The following SS18L1 variants were observed in gnomAD, a reference collection of about 807,000 sequenced individuals.
SS18L1 encodes calcium-responsive transactivator.
A neutral mutation model predicts 70.3 loss-of-function variants in SS18L1; 32 were observed. The observed-to-expected ratio is 0.46, with a 90% CI of 0.34 to 0.61. SS18L1 has a LOEUF of 0.61. SS18L1 is among the 20% of genes least tolerant of loss of function. The pLI, the probability that SS18L1 is intolerant of heterozygous loss-of-function variation, is 0.01. For missense variants in SS18L1, 430 were observed against 542.1 expected, an observed-to-expected ratio of 0.79 and a Z score of 2.05; for synonymous variants, 237 against 229.7, an observed-to-expected ratio of 1.03 and a Z score of -0.29.
Position 62,180,265 on chromosome 20 carries a change from A to C in SS18L1, c.*1057A>C, listed in dbSNP as rs1419490467. On this transcript the variant is annotated 3_prime_UTR_variant, in exon 11 of 11. Transcript: ENST00000331758. ...CATTACTGTGTTCTTTCTAATGAAAAGTAAAGGTTTTATATAGAGAAACTT... is the reference window on the plus strand; with the variant it reads ...CATTACTGTGTTCTTTCTAATGAAACGTAAAGGTTTTATATAGAGAAACTT... The C allele has an allele frequency of 5.1e-6, 1 of 195,904 alleles. No homozygotes were observed. The highest frequency in any genetic ancestry group is 8.0e-5 in the East Asian group (1 of 12,462). The allele number at this position is 195,904 out of a possible 1,614,324, so 12.1% of individuals were successfully genotyped here.
chr20:62,148,700 G>A (rs375197190), intron 1 of SS18L1, among the ~76,000 whole-genome samples: 2 of 152,264 alleles, frequency 1.3e-5, no homozygotes, highest in East Asian at 3.8e-4. Flanking sequence ...GTGGGCAGGA[G>A]AAAGGCATTG....
chr20:62,157,485 T>C (rs1351090896), intron 1 of SS18L1, among the ~76,000 whole-genome samples: 1 of 152,190 alleles, frequency 6.6e-6, no homozygotes, highest in East Asian at 1.9e-4. Flanking sequence ...AGTGCCCATC[T>C]TGAGCGCAGA....
At chr20:62,169,121 G>T (rs145609630) in intron 8 of SS18L1, among the ~76,000 whole-genome samples, 1 of 152,224 alleles carries the variant, frequency 6.6e-6, no homozygotes, top group Non-Finnish European at 1.5e-5. Flanking sequence ...GAGGTTTGCA[G>T]TGACGCATAC....
intron 8 of SS18L1, 121 bp from the exon 9 acceptor site, chr20:62,172,561 C>A: frequency 1.4e-6 from 2 of 1,431,706 alleles, no homozygotes; most frequent in South Asian, 1.2e-5. Context: ...AAAAAATAAA[C>A]ATGCCGAAGC....
At position 62,143,894 on chromosome 20, in the gene SS18L1, G is replaced by A. The variant is rs202126580; in HGVS notation, c.69+5G>A. 4.3e-6 allele frequency: 5 copies of A among 1,175,692 alleles called. No homozygotes were observed. Among genetic ancestry groups the A allele is most frequent in the Non-Finnish European group, 5.4e-6 (5 of 923,102 alleles). The allele number at this position is 1,175,692 out of a possible 1,614,324, so 72.8% of individuals were successfully genotyped here. ...ACGCAGCAAACCATCCAGAAGGTGGGCCGGGCCGGAGCGGCGGCGCTGGGC... is the reference window on the plus strand; with the variant it reads ...ACGCAGCAAACCATCCAGAAGGTGGACCGGGCCGGAGCGGCGGCGCTGGGC... On this transcript the variant is annotated splice_donor_5th_base_variant and intron_variant, in intron 1 of 10. Transcript: ENST00000331758.
intron 8 of SS18L1, among the ~76,000 whole-genome samples, chr20:62,167,979 C>CTTTTT (rs575045754): frequency 1.9e-5 from 2 of 105,006 alleles, no homozygotes; most frequent in African/African-American, 7.3e-5. Flanking sequence ...CCAGGCCTGG[C>CTTTTT]TTTTTTTTTT....
Position 62,180,671 on chromosome 20 carries a change from G to C in SS18L1, c.*1463G>C, listed in dbSNP as rs547775646. 6.2e-6 allele frequency: 1 copy of C among 162,084 alleles called. No individual in the cohort carries two copies. The highest frequency in any genetic ancestry group is 2.0e-4 in the South Asian group (1 of 4,904). The allele number at this position is 162,084 out of a possible 1,614,324, so 10.0% of individuals were successfully genotyped here. ...AGCACTTTGGGAGGCCGAAGCGGGC[G>C]GATCACCTGAGGTCGGGAGTTCGAG... On this transcript the variant is annotated 3_prime_UTR_variant, in exon 11 of 11. Transcript: ENST00000331758.
Position 62,165,654 on chromosome 20 carries a change from G to T in SS18L1, c.916+140G>T, listed in dbSNP as rs139339282. On this transcript the variant is annotated intron_variant, in intron 8 of 10. Transcript: ENST00000331758. Reference sequence around the variant, plus strand: ...AGCACAGCGCGTGGGAGGAGAGACAGTGTGTTCTGGAAGCTGGAAATTCAG... The same window carrying T: ...AGCACAGCGCGTGGGAGGAGAGACATTGTGTTCTGGAAGCTGGAAATTCAG... 6.2e-6 allele frequency: 5 copies of T among 808,338 alleles called. No homozygotes were observed. In the South Asian group the frequency reaches 8.1e-5, roughly 13 times the overall value. 50.1% of individuals were successfully genotyped at this position (808,338 alleles called of 1,614,324 possible).
In SS18L1 at chr20:62,159,786, C is replaced by A. The variant is rs551515650; in HGVS notation, c.147-91C>A. On this transcript the variant is annotated intron_variant, in intron 2 of 10. Transcript: ENST00000331758. The surrounding 1 kb of genome is among the most constrained non-coding windows in gnomAD (Gnocchi z 4.4). Reference sequence around the variant, plus strand: ...TCATGGGGTTTGGCTGGATGTCAGGCTGTCTTGTTCACACTTTACTTCTGC... The same window carrying A: ...TCATGGGGTTTGGCTGGATGTCAGGATGTCTTGTTCACACTTTACTTCTGC... The A allele has an allele frequency of 1.4e-5, 18 of 1,254,526 alleles. No individual in the cohort carries two copies. Among genetic ancestry groups the A allele is most frequent in the Non-Finnish European group, 1.8e-5 (16 of 897,700 alleles). 77.7% of individuals were successfully genotyped at this position (1,254,526 alleles called of 1,614,324 possible). A position where few individuals can be genotyped will look rare whatever the true frequency, so the allele number is the denominator to read the frequency against.
In SS18L1 at chr20:62,179,254, A is replaced by G. The variant is rs978119496; in HGVS notation, c.*46A>G. 1 of 1,611,914 alleles carries G rather than the reference A, an allele frequency of 6.2e-7. No homozygotes were observed. Among genetic ancestry groups the G allele is most frequent in the Non-Finnish European group, 8.5e-7 (1 of 1,178,078 alleles). On this transcript the variant is annotated 3_prime_UTR_variant, in exon 11 of 11. Coordinates refer to ENST00000331758, the MANE Select transcript of SS18L1 (RefSeq NM_198935.3). Reference sequence around the variant, plus strand: ...AGCCCTTGTGGTAGCGTGTTCATCCAGGGGCCGGATGGGCTGGCGGCAGCT... The same window carrying G: ...AGCCCTTGTGGTAGCGTGTTCATCCGGGGGCCGGATGGGCTGGCGGCAGCT...
chr20:62,178,934 C>T (rs144651890), intron 10 of SS18L1, among the ~76,000 whole-genome samples: 113 of 152,354 alleles, frequency 7.4e-4, no homozygotes, highest in African/African-American at 2.2e-3. Context: ...TGATGCCAGG[C>T]CTGGCACAGG....
At chr20:62,146,780 C>T (rs1054423782) in intron 1 of SS18L1, among the ~76,000 whole-genome samples, 1 of 151,832 alleles carries the variant, frequency 6.6e-6, no homozygotes, top group Non-Finnish European at 1.5e-5. Flanking sequence ...CCACCACGCC[C>T]GGCTAATTTT....
chr20:62,160,072 C>G, intron 3 of SS18L1, 111 bp downstream of exon 3: 1 of 1,097,128 alleles, frequency 9.1e-7, no homozygotes, highest in Admixed American at 2.2e-5. Flanking sequence ...TCAGAGAAAC[C>G]AAAAATACCA....
intron 7 of SS18L1, among the ~76,000 whole-genome samples, chr20:62,165,094 C>T (rs1427124077): frequency 1.3e-5 from 2 of 152,190 alleles, no homozygotes; most frequent in Non-Finnish European, 2.9e-5. Context: ...ACACCCCTGC[C>T]TGCGTCCTCC....
At chr20:62,171,439 A>C (rs1415430803) in intron 8 of SS18L1, among the ~76,000 whole-genome samples, 2 of 152,104 alleles carry the variant, frequency 1.3e-5, no homozygotes, top group Non-Finnish European at 2.9e-5. Context: ...GAAGTTCAAG[A>C]CTCAAGATAC....
intron 1 of SS18L1, among the ~76,000 whole-genome samples, chr20:62,145,488 T>G (rs965048524): frequency 1.3e-5 from 2 of 152,258 alleles, no homozygotes; most frequent in African/African-American, 4.8e-5. Flanking sequence ...CCTGGCACTC[T>G]GGTTTTTTGG....
intron 1 of SS18L1, among the ~76,000 whole-genome samples, chr20:62,145,203 T>G (rs1460641386): frequency 6.6e-6 from 1 of 152,252 alleles, no homozygotes; most frequent in Non-Finnish European, 1.5e-5. Flanking sequence ...TCTAGGGGTT[T>G]TATAAATCTT....
chr20:62,154,546 C>T (rs1468789787), intron 1 of SS18L1: 2 of 1,015,042 alleles, frequency 2.0e-6, no homozygotes, highest in African/African-American at 3.4e-5. Flanking sequence ...TGGGTCATCA[C>T]ACCTCAGGGG....
intron 8 of SS18L1, 125 bp from the exon 9 acceptor site, chr20:62,172,554 AAAT>A: frequency 1.4e-6 from 2 of 1,406,202 alleles, no homozygotes; most frequent in Non-Finnish European, 2.0e-6. Flanking sequence ...GGTTGTGAAA[AAAT>A]AAACATGCCG....
Sources: allele counts gnomAD v4.1 joint callset (sites outside exome capture counted in the v4.1 genomes callset), GRCh38; gene constraint gnomAD v4.1.1; non-coding constraint Gnocchi (gnomAD v3.1); transcripts MANE v1.5; gene names NCBI Gene and HGNC (gene_info 2026-07-23, HGNC 2026-07-21).